The following PLD5 variants were observed in gnomAD, a reference collection of about 807,000 sequenced individuals.
PLD5 encodes the protein phospholipase D family member 5, also known as inactive phospholipase D5.
In PLD5, 36 loss-of-function variants were observed where a neutral mutation model predicts 61.1. That is an observed-to-expected ratio of 0.59 (90% CI 0.45 to 0.78). PLD5 has a LOEUF of 0.78. Among genes scored for constraint, PLD5 ranks in the 30% least tolerant of loss-of-function variants. The pLI, the probability that PLD5 is intolerant of heterozygous loss-of-function variation, is 0.00. For synonymous variants in PLD5, 243 were observed against 242.8 expected (o/e 1.00, Z -0.01); for missense variants, 515 against 644.4 (o/e 0.80, Z 2.17).
intron 1 of PLD5, among the ~76,000 whole-genome samples, chr1:242,480,280 A>C (rs1667729887): frequency 6.6e-6 from 1 of 152,188 alleles, no homozygotes; most frequent in African/African-American, 2.4e-5. Flanking sequence ...CCTTTCAAAA[A>C]ATGGTGCTAG....
intron 5 of PLD5, among the ~76,000 whole-genome samples, chr1:242,160,269 C>G (rs1050617898): frequency 1.3e-5 from 2 of 152,172 alleles, no homozygotes; most frequent in Non-Finnish European, 2.9e-5. Context: ...GACTTTCCCA[C>G]CTCAGCCTCT....
intron 5 of PLD5, chr1:242,178,038 G>A (rs551388988): frequency 6.6e-6 from 1 of 152,320 alleles, no homozygotes; most frequent in African/African-American, 2.4e-5. Context: ...TCTGCATTTA[G>A]ATAAAATGGC....
chr1:242,472,313 A>C (rs561729713), intron 1 of PLD5, among the ~76,000 whole-genome samples: 1 of 152,188 alleles, frequency 6.6e-6, no homozygotes, highest in Non-Finnish European at 1.5e-5. Flanking sequence ...TAAGGAGCAC[A>C]CTTTGTTTGC....
intron 8 of PLD5, among the ~76,000 whole-genome samples, chr1:242,104,269 A>G (rs2148676216): frequency 6.7e-6 from 1 of 148,868 alleles, no homozygotes; most frequent in Admixed American, 6.7e-5. Flanking sequence ...GACTACAGAT[A>G]TGCACCACCA....
At chr1:242,471,578 C>A (rs1667450017) in intron 1 of PLD5, among the ~76,000 whole-genome samples, 1 of 151,862 alleles carries the variant, frequency 6.6e-6, no homozygotes, top group African/African-American at 2.4e-5. Context: ...ATTTTATTTT[C>A]TTAACCTCCA....
intron 1 of PLD5, among the ~76,000 whole-genome samples, chr1:242,494,592 C>A (rs71652415): frequency 6.6e-6 from 1 of 152,124 alleles, no homozygotes; most frequent in African/African-American, 2.4e-5. Context: ...AGAGCAGAAC[C>A]GGCTGGTGTT....
intron 7 of PLD5, among the ~76,000 whole-genome samples, chr1:242,113,377 G>A (rs1365649389): frequency 6.6e-6 from 1 of 152,164 alleles, no homozygotes; most frequent in Non-Finnish European, 1.5e-5. Flanking sequence ...ACAGGCGTGA[G>A]CCACCGCACA....
At chr1:242,207,836 A>ATATTTATATATATTTTTATATATATT (rs1669466385) in intron 5 of PLD5, among the ~76,000 whole-genome samples, 1 of 53,416 alleles carries the variant, frequency 1.9e-5, no homozygotes, top group African/African-American at 7.0e-5. Flanking sequence ...ATATATATTT[A>ATATTTATATATATTTTTATATATATT]TATATTTATA....
intron 3 of PLD5, among the ~76,000 whole-genome samples, chr1:242,265,743 A>G (rs1673634543): frequency 6.6e-6 from 1 of 152,180 alleles, no homozygotes; most frequent in African/African-American, 2.4e-5. Context: ...TGAATCTGTT[A>G]TCTACACATG....
chr1:242,419,957 A>G (rs1207169786), intron 1 of PLD5, among the ~76,000 whole-genome samples: 2 of 152,176 alleles, frequency 1.3e-5, no homozygotes, highest in Non-Finnish European at 2.9e-5. Flanking sequence ...AGTCCCAGTA[A>G]AAACAGGTAT....
intron 5 of PLD5, among the ~76,000 whole-genome samples, chr1:242,149,880 G>T (rs565037472): frequency 1.6e-4 from 25 of 151,676 alleles, no homozygotes; most frequent in African/African-American, 5.5e-4. Context: ...TCTTTGGTCA[G>T]TCTGGCTATA....
intron 4 of PLD5, among the ~76,000 whole-genome samples, chr1:242,224,860 T>A (rs1166951030): frequency 6.6e-6 from 1 of 152,188 alleles, no homozygotes; most frequent in African/African-American, 2.4e-5. Flanking sequence ...TGTAGTAAAA[T>A]TCACCCTTTT....
At chr1:242,453,027 A>T (rs954642839) in intron 1 of PLD5, among the ~76,000 whole-genome samples, 1 of 152,260 alleles carries the variant, frequency 6.6e-6, no homozygotes, top group African/African-American at 2.4e-5. Flanking sequence ...ATCCCTTTAC[A>T]AATTTCACGA....
chr1:242,460,251 C>T (rs1476339073), intron 1 of PLD5, among the ~76,000 whole-genome samples: 1 of 152,152 alleles, frequency 6.6e-6, no homozygotes, highest in East Asian at 1.9e-4. Flanking sequence ...CCTACCCCCG[C>T]CCTCACTAAA....
intron 5 of PLD5, among the ~76,000 whole-genome samples, chr1:242,180,872 A>T (rs1440801965): frequency 6.6e-6 from 1 of 152,066 alleles, no homozygotes; most frequent in Non-Finnish European, 1.5e-5. Flanking sequence ...GTTCCCAGCT[A>T]CTTGGGAAGC....
rs965865751 is a variant in PLD5, at chr1:242,371,252, T to A, written c.190-23010A>T. ...TTATAAGAGTGCACTGAGAGAGGCT[T>A]AGAGTTAGGGTGAGAGAGAACCTTT... On this transcript the variant is annotated intron_variant, in intron 1 of 9. Transcript: ENST00000536534. Among the ~76,000 whole-genome samples the A allele has an allele frequency of 2.0e-5, 3 of 152,234 alleles. No homozygotes were observed. In the South Asian group the frequency reaches 6.2e-4, roughly 32 times the overall value.
chr1:242,516,215 A>G (rs1449035978), intron 1 of PLD5, among the ~76,000 whole-genome samples: 3 of 149,298 alleles, frequency 2.0e-5, no homozygotes, highest in Admixed American at 2.0e-4. Context: ...TCTTTGTCAG[A>G]GTGTGTGCTA....
In PLD5 at chr1:242,295,546, T is replaced by C. The variant is rs568806629; in HGVS notation, c.327-7016A>G. On this transcript the variant is annotated intron_variant, in intron 2 of 9. Coordinates refer to ENST00000536534, the MANE Select transcript of PLD5 (RefSeq NM_001372062.1). ...TTTTCTTTATCCAGTGTACCACTGATAGATACTTAGGTTGATTCCATGACT... is the reference window on the plus strand; with the variant it reads ...TTTTCTTTATCCAGTGTACCACTGACAGATACTTAGGTTGATTCCATGACT... Among the ~76,000 whole-genome samples the C allele has an allele frequency of 3.9e-5, 6 of 152,346 alleles. No individual in the cohort carries two copies. The East Asian group carries it at 1.2e-3, about 29-fold the overall frequency.
At chr1:242,213,671 T>C (rs1432578602) in intron 5 of PLD5, among the ~76,000 whole-genome samples, 1 of 151,744 alleles carries the variant, frequency 6.6e-6, no homozygotes, top group African/African-American at 2.4e-5. Flanking sequence ...AATACAGTCC[T>C]GGATTCTCCC....
Sources: allele counts gnomAD v4.1 joint callset (sites outside exome capture counted in the v4.1 genomes callset), GRCh38; gene constraint gnomAD v4.1.1; transcripts MANE v1.5; gene names NCBI Gene and HGNC (gene_info 2026-07-23, HGNC 2026-07-21).